LGR6: variants seen among roughly 807,000 people sequenced by gnomAD.
LGR6 encodes leucine-rich repeat-containing G protein-coupled receptor 6.
In LGR6, 45 loss-of-function variants were observed where a neutral mutation model predicts 69.4. The observed-to-expected ratio is 0.65, with a 90% CI of 0.51 to 0.83. The LOEUF is 0.83. Among genes scored for constraint, LGR6 ranks in the 40% least tolerant of loss-of-function variants. The pLI is 0.00. For synonymous variants in LGR6, 538 were observed against 555.0 expected (o/e 0.97, Z 0.43); for missense variants, 1,108 against 1,246.7 (o/e 0.89, Z 1.68).
At chr1:202,308,056 C>G (rs1026519845) in intron 14 of LGR6, among the ~76,000 whole-genome samples, 1 of 152,192 alleles carries the variant, frequency 6.6e-6, no homozygotes, top group African/African-American at 2.4e-5. Flanking sequence ...AGACTGGGCC[C>G]TTTTCTGGTT....
At chr1:202,280,746 G>A (rs1571955283) in intron 5 of LGR6, 35 bp from the exon 6 acceptor site, 2 of 1,606,712 alleles carry the variant, frequency 1.2e-6, no homozygotes, top group East Asian at 4.5e-5. Flanking sequence ...AGTGCCGTGG[G>A]CACCCATTCT....
At chr1:202,311,992 G>T (rs566409454) in intron 16 of LGR6, among the ~76,000 whole-genome samples, 4 of 152,220 alleles carry the variant, frequency 2.6e-5, no homozygotes, top group African/African-American at 7.2e-5. Context: ...GTCCCCGGGG[G>T]ACATTCCCGG....
rs781609719 is a variant in LGR6 at position 202,303,396 on chromosome 1, C to G, written c.998+49C>G. On this transcript the variant is annotated intron_variant, in intron 10 of 17. Transcript: ENST00000367278. ...CTTATCTATCGCCCCAGCTTCATTC[C>G]CAAGAGCTCTTCCACTCCCTGCCCC... 2.1e-6 allele frequency: 3 copies of G among 1,454,180 alleles called. No homozygotes were observed. The Admixed American group carries it at 5.0e-5, about 24-fold the overall frequency. The allele number at this position is 1,454,180 out of a possible 1,614,324, so 90.1% of individuals were successfully genotyped here.
chr1:202,213,498 A>C (rs566331747), intron 1 of LGR6, among the ~76,000 whole-genome samples: 29 of 152,268 alleles, frequency 1.9e-4, no homozygotes, highest in African/African-American at 6.0e-4. Context: ...ACTCACTTGG[A>C]GGCACCAGAG....
intron 16 of LGR6, among the ~76,000 whole-genome samples, chr1:202,311,871 G>A (rs918266376): frequency 2.6e-5 from 4 of 152,062 alleles, no homozygotes; most frequent in African/African-American, 9.7e-5. Flanking sequence ...GCAACCTGGG[G>A]GTCTCTGAGA....
rs1664834653 is a variant in LGR6, at chr1:202,268,347, C to T, written c.429-7959C>T. ...GTGCCAGCCTGCTCCCTGCTGGAAT[C>T]CTTGCCTTCCCAGGCAGGCTCTCGG... On this transcript the variant is annotated intron_variant, in intron 4 of 17. Transcript: ENST00000367278. This position sits in a 1 kb window ranked among gnomAD's most constrained non-coding sequence, Gnocchi z 4.4. Among the ~76,000 whole-genome samples the T allele has an allele frequency of 2.0e-5, 3 of 152,348 alleles. No homozygotes were observed. Among genetic ancestry groups the T allele is most frequent in the Admixed American group, 2.0e-4 (3 of 15,306 alleles).
At chr1:202,227,853 G>C in intron 2 of LGR6, 83 bp from the exon 3 acceptor site, 1 of 914,086 alleles carries the variant, frequency 1.1e-6, no homozygotes, top group South Asian at 1.3e-5. Context: ...CTCCCTTCCC[G>C]TATCTCAAGA....
chr1:202,199,694 G>T (rs919764796), intron 1 of LGR6, among the ~76,000 whole-genome samples: 9 of 152,112 alleles, frequency 5.9e-5, no homozygotes, highest in Admixed American at 3.9e-4. Flanking sequence ...GGCACAGAAG[G>T]TATCCCAATG....
chr1:202,283,567 C>T (rs558310907), intron 6 of LGR6, among the ~76,000 whole-genome samples: 4 of 152,202 alleles, frequency 2.6e-5, no homozygotes, highest in Non-Finnish European at 4.4e-5. Context: ...GCCCAAGCTG[C>T]GGTTTGGCTG....
At chr1:202,289,102 A>C (rs1463966193) in intron 6 of LGR6, among the ~76,000 whole-genome samples, 1 of 152,242 alleles carries the variant, frequency 6.6e-6, no homozygotes, top group East Asian at 1.9e-4. Flanking sequence ...AACTGAAGAC[A>C]AGCCTTGGAT....
At chr1:202,265,285 C>G (rs1379522987) in intron 4 of LGR6, among the ~76,000 whole-genome samples, 3 of 152,188 alleles carry the variant, frequency 2.0e-5, no homozygotes, top group Non-Finnish European at 2.9e-5. Flanking sequence ...GACTGTCCCA[C>G]CAGGAGTACT....
At chr1:202,247,427 A>G (rs1257667988) in intron 4 of LGR6, among the ~76,000 whole-genome samples, 1 of 152,190 alleles carries the variant, frequency 6.6e-6, no homozygotes, top group African/African-American at 2.4e-5. Context: ...ATGGACAGCA[A>G]TCATTATCAG....
chr1:202,298,158 G>A (rs1192159658), intron 7 of LGR6, among the ~76,000 whole-genome samples: 1 of 152,210 alleles, frequency 6.6e-6, no homozygotes, highest in Admixed American at 6.5e-5. Flanking sequence ...AGGTAAAACA[G>A]GGAGCAGGAC....
chr1:202,303,213 A>G lies in LGR6; in HGVS notation c.930-66A>G. 1.7e-6 allele frequency: 2 copies of G among 1,200,856 alleles called. 1 individual carries two copies. The highest frequency in any genetic ancestry group is 3.0e-5 in the African/African-American group (2 of 67,044). The allele number at this position is 1,200,856 out of a possible 1,614,324, so 74.4% of individuals were successfully genotyped here. ...GTCCCGGAGGGGAGACAAAATGGAG[A>G]ATTGAGAGTCTTGATGTTGAGATGC... On this transcript the variant is annotated intron_variant, in intron 9 of 17. Coordinates refer to ENST00000367278, the MANE Select transcript of LGR6 (RefSeq NM_001017403.2).
chr1:202,218,512 C>T, intron 1 of LGR6, among the ~76,000 whole-genome samples: 1 of 152,112 alleles, frequency 6.6e-6, no homozygotes, highest in East Asian at 1.9e-4. Flanking sequence ...TGTCCAGGCT[C>T]ATGGGGTGTT....
chr1:202,304,680 A>G (rs1667854716), intron 11 of LGR6, 50 bp downstream of exon 11: 4 of 1,460,262 alleles, frequency 2.7e-6, no homozygotes, highest in South Asian at 1.2e-5. Context: ...CCCTACCCCC[A>G]TGTCCCACAA....
At chr1:202,310,713 G>A (rs898748416) in intron 16 of LGR6, among the ~76,000 whole-genome samples, 5 of 152,200 alleles carry the variant, frequency 3.3e-5, no homozygotes, top group Admixed American at 1.3e-4. Flanking sequence ...TATTCTCAGA[G>A]AAGACAGACC....
At chr1:202,314,047 A>G (rs1202675691) in intron 16 of LGR6, among the ~76,000 whole-genome samples, 1 of 152,190 alleles carries the variant, frequency 6.6e-6, no homozygotes, top group Non-Finnish European at 1.5e-5. Flanking sequence ...CACCTGTTGA[A>G]GGTGGGGTGT....
chr1:202,261,791 T>A (rs1434471284), intron 4 of LGR6, among the ~76,000 whole-genome samples: 1 of 152,240 alleles, frequency 6.6e-6, no homozygotes, highest in Non-Finnish European at 1.5e-5. Context: ...TGGTGTGAGA[T>A]AGTATCTCAT....
Sources: allele counts gnomAD v4.1 joint callset (sites outside exome capture counted in the v4.1 genomes callset), GRCh38; gene constraint gnomAD v4.1.1; non-coding constraint Gnocchi (gnomAD v3.1); transcripts MANE v1.5; gene names NCBI Gene and HGNC (gene_info 2026-07-23, HGNC 2026-07-21).